Variants in DLGAP2 observed in about 807,000 individuals in gnomAD.
The protein encoded by DLGAP2 is DLG associated protein 2.
Under a neutral mutation model 100.3 loss-of-function variants are expected in DLGAP2, and 26 were observed. That is an observed-to-expected ratio of 0.26 (90% CI 0.19 to 0.36). The LOEUF (loss-of-function observed/expected upper bound fraction) is 0.36, where lower values mean the gene tolerates loss of function less well. Ranked by LOEUF, DLGAP2 falls within the 10% of genes least tolerant of loss-of-function variation. The probability of loss-of-function intolerance (pLI) is 1.00; values close to 1 mark genes in which losing one functional copy is unlikely to be tolerated. For synonymous variants in DLGAP2, 886 were observed against 630.1 expected (o/e 1.41, Z -6.08); for missense variants, 1,858 against 1,453.2 (o/e 1.28, Z -4.53).
intron 6 of DLGAP2, among the ~76,000 whole-genome samples, chr8:1,569,656 G>A (rs1802571062): frequency 6.6e-6 from 1 of 152,192 alleles, no homozygotes; most frequent in African/African-American, 2.4e-5. Context: ...TTGTAACTCA[G>A]GGAAGCTCTC....
intron 6 of DLGAP2, among the ~76,000 whole-genome samples, chr8:1,575,513 C>T (rs899152006): frequency 7.1e-6 from 1 of 140,484 alleles, no homozygotes; most frequent in South Asian, 2.3e-4. Context: ...TACATGTGCA[C>T]AATGTGCAGG....
chr8:1,567,535 C>T (rs1016842427), intron 6 of DLGAP2, among the ~76,000 whole-genome samples: 3 of 152,172 alleles, frequency 2.0e-5, no homozygotes, highest in Non-Finnish European at 2.9e-5. Context: ...TTACGAACGG[C>T]GTTTTCCTGT....
chr8:1,302,205 T>C (rs1028134927), intron 3 of DLGAP2: 8 of 151,180 alleles, frequency 5.3e-5, no homozygotes, highest in Non-Finnish European at 1.0e-4. Context: ...ACTCGGAATT[T>C]TCTGTGAGTT....
intron 3 of DLGAP2, among the ~76,000 whole-genome samples, chr8:1,489,210 T>G (rs1453658975): frequency 6.6e-6 from 1 of 152,214 alleles, no homozygotes; most frequent in Non-Finnish European, 1.5e-5. Context: ...AGAATGCGAC[T>G]AGTGTGCTTC....
intron 1 of DLGAP2, chr8:883,184 G>A (rs1249077057): frequency 6.6e-6 from 1 of 152,436 alleles, no homozygotes; most frequent in Non-Finnish European, 1.5e-5. Context: ...TGGAAGTCAC[G>A]TGCTGTACCC....
intron 2 of DLGAP2, among the ~76,000 whole-genome samples, chr8:1,128,828 T>C (rs1163667120): frequency 6.6e-6 from 1 of 152,166 alleles, no homozygotes; most frequent in Non-Finnish European, 1.5e-5. Flanking sequence ...CATTGTAAAG[T>C]GTTGGAAGTC....
chr8:909,005 T>G (rs1277920624), intron 2 of DLGAP2, among the ~76,000 whole-genome samples: 4 of 152,230 alleles, frequency 2.6e-5, no homozygotes, highest in Non-Finnish European at 4.4e-5. Context: ...TATTATACAT[T>G]CCAGAGTAAA....
chr8:838,770 C>A (rs1796929138), intron 1 of DLGAP2, among the ~76,000 whole-genome samples: 1 of 152,070 alleles, frequency 6.6e-6, no homozygotes. Context: ...AGAAAAAGAG[C>A]CTTCTTGCTT....
intron 5 of DLGAP2, among the ~76,000 whole-genome samples, chr8:1,562,611 T>TG (rs1319479290): frequency 2.1e-5 from 1 of 48,442 alleles, no homozygotes; most frequent in African/African-American, 8.7e-5. Flanking sequence ...GCCTCGTTGC[T>TG]CGGGGACTGT....
chr8:839,904 C>G (rs185470868), intron 1 of DLGAP2, among the ~76,000 whole-genome samples: 100 of 151,894 alleles, frequency 6.6e-4, no homozygotes, highest in African/African-American at 2.4e-3. Context: ...TACGTCTCCC[C>G]ACACTCTGGG....
chr8:858,812 C>T (rs1221507258), intron 1 of DLGAP2, among the ~76,000 whole-genome samples: 1 of 152,254 alleles, frequency 6.6e-6, no homozygotes, highest in African/African-American at 2.4e-5. Flanking sequence ...ATTGTGGCCA[C>T]ATGCCACCGT....
intron 3 of DLGAP2, among the ~76,000 whole-genome samples, chr8:1,362,303 G>C (rs1801999757): frequency 6.9e-6 from 1 of 145,754 alleles, no homozygotes. Context: ...GGGTCTTAGG[G>C]ATGTGGCCTG....
intron 3 of DLGAP2, among the ~76,000 whole-genome samples, chr8:1,319,338 T>A (rs1475094390): frequency 6.6e-6 from 1 of 152,146 alleles, no homozygotes; most frequent in African/African-American, 2.4e-5. Context: ...CTGACTCAAA[T>A]CCCAGATCAG....
chr8:1,150,557 T>C (rs1796680590), intron 2 of DLGAP2, among the ~76,000 whole-genome samples: 1 of 152,226 alleles, frequency 6.6e-6, no homozygotes, highest in South Asian at 2.1e-4. Flanking sequence ...GACGAGGATT[T>C]GTCATCATGC....
chr8:790,696 G>C (rs993635192), intron 1 of DLGAP2, among the ~76,000 whole-genome samples: 2 of 152,158 alleles, frequency 1.3e-5, no homozygotes, highest in African/African-American at 4.8e-5. Flanking sequence ...TTTTAGGGGA[G>C]ATAAATCCAT....
chr8:1,294,209 C>T (rs1303911320), intron 3 of DLGAP2, among the ~76,000 whole-genome samples: 1 of 152,190 alleles, frequency 6.6e-6, no homozygotes, highest in Non-Finnish European at 1.5e-5. Flanking sequence ...CCCACCTCTC[C>T]CCTTGCCAGT....
chr8:834,292 G>T (rs1796833502), intron 1 of DLGAP2, among the ~76,000 whole-genome samples: 2 of 152,206 alleles, frequency 1.3e-5, no homozygotes, highest in South Asian at 2.1e-4. Flanking sequence ...CTGTATGCCA[G>T]CGTGTGGCTG....
rs1269737131 is a variant in DLGAP2 at position 1,473,380 on chromosome 8, G to A, written c.107-27986G>A. Among the ~76,000 whole-genome samples, 3 of 152,374 alleles carry A rather than the reference G, an allele frequency of 2.0e-5. No individual in the cohort carries two copies. The East Asian group carries it at 5.8e-4, about 29-fold the overall frequency. On this transcript the variant is annotated intron_variant, in intron 3 of 14. Transcript: ENST00000637795. ...AGAGGAACGGAGAACGGAGCCTGCAGTGAGGGAGAATCTCAGATCCACTGC... is the reference window on the plus strand; with the variant it reads ...AGAGGAACGGAGAACGGAGCCTGCAATGAGGGAGAATCTCAGATCCACTGC...
intron 1 of DLGAP2, among the ~76,000 whole-genome samples, chr8:745,963 G>A (rs1225794147): frequency 6.6e-6 from 1 of 152,232 alleles, no homozygotes; most frequent in Non-Finnish European, 1.5e-5. Context: ...CTGCCTATGG[G>A]GGTCCGCACC....
Sources: allele counts gnomAD v4.1 joint callset (sites outside exome capture counted in the v4.1 genomes callset), GRCh38; gene constraint gnomAD v4.1.1; transcripts MANE v1.5; gene names NCBI Gene and HGNC (gene_info 2026-07-23, HGNC 2026-07-21).